Variants in CFAP70 observed in about 807,000 individuals in gnomAD.
CFAP70 encodes the protein cilia and flagella associated protein 70, also known as cilia- and flagella-associated protein 70.
CFAP70 carries 81 observed loss-of-function variants against 137.6 expected under a neutral mutation model. The ratio of observed to expected loss-of-function variants is 0.59; its 90% CI spans 0.49 to 0.71. CFAP70 has a LOEUF of 0.71. Ranked by LOEUF, CFAP70 falls within the 30% of genes least tolerant of loss-of-function variation. The probability of loss-of-function intolerance (pLI) is 0.00; values close to 1 mark genes in which losing one functional copy is unlikely to be tolerated. For missense variants in CFAP70, 976 were observed against 1,226.7 expected, an observed-to-expected ratio of 0.80 and a Z score of 3.05; for synonymous variants, 382 against 423.6, an observed-to-expected ratio of 0.90 and a Z score of 1.20.
chr10:73,261,119 GTCTA>G (rs1457428697), intron 25 of CFAP70, among the ~76,000 whole-genome samples: 2 of 149,868 alleles, frequency 1.3e-5, no homozygotes, highest in African/African-American at 4.9e-5. Flanking sequence ...ACTTGGCATT[GTCTA>G]TCTTTTTTTT....
At chr10:73,291,698 A>G (rs758858831) in exon 18 of CFAP70, 1 of 1,614,118 alleles carries the variant, frequency 6.2e-7, no homozygotes, top group Non-Finnish European at 8.5e-7. Context: ...CCTCAAAGAA[A>G]ATTTCTGCTT....
intron 1 of CFAP70, among the ~76,000 whole-genome samples, chr10:73,355,967 G>A (rs73272341): frequency 0.015 from 2,328 of 151,774 alleles, 63 homozygotes; most frequent in African/African-American, 0.053. Context: ...TCTGGTAACC[G>A]TTTTTTTTAA....
chr10:73,259,130 C>G (rs1047327038), intron 25 of CFAP70, among the ~76,000 whole-genome samples: 4 of 152,050 alleles, frequency 2.6e-5, no homozygotes, highest in Non-Finnish European at 5.9e-5. Flanking sequence ...CATCACGGAA[C>G]CTGCCGATGT....
intron 9 of CFAP70, among the ~76,000 whole-genome samples, chr10:73,313,252 G>A (rs1360140704): frequency 6.6e-6 from 1 of 151,746 alleles, no homozygotes; most frequent in Non-Finnish European, 1.5e-5. Flanking sequence ...GGTGCCTGTA[G>A]TGCCAGCTAC....
At chr10:73,348,049 AAGAAAATGCC>A in intron 4 of CFAP70, 97 bp downstream of exon 5, 1 of 972,770 alleles carries the variant, frequency 1.0e-6, no homozygotes. Context: ...GTGCTGTGAA[AAGAAAATGCC>A]CAATGCATTA....
chr10:73,282,155 G>A (rs1246816891), intron 19 of CFAP70, among the ~76,000 whole-genome samples: 5 of 152,186 alleles, frequency 3.3e-5, no homozygotes, highest in East Asian at 1.9e-4. Flanking sequence ...GCAGCCATGC[G>A]GATGGCCTGA....
Position 73,293,400 on chromosome 10 carries a change from C to T in CFAP70, c.1645-12G>A. 2 of 1,575,992 alleles carry T rather than the reference C, an allele frequency of 1.3e-6. No individual in the cohort carries two copies. Among genetic ancestry groups the T allele is most frequent in the South Asian group, 1.2e-5 (1 of 85,006 alleles). On this transcript the variant is annotated splice_polypyrimidine_tract_variant and intron_variant, in intron 15 of 26. Transcript: ENST00000310715. ...TCATCTGGCATGGTCTTGTCAATGT[C>T]AAGATGTTAGGTAGACAAAAATGAA...
intron 25 of CFAP70, among the ~76,000 whole-genome samples, chr10:73,257,137 G>A (rs1564736958): frequency 6.6e-6 from 1 of 152,058 alleles, no homozygotes; most frequent in East Asian, 1.9e-4. Flanking sequence ...TAATCCTCAA[G>A]ACCTAGGAGA....
At chr10:73,314,873 G>A (rs2132124701) in intron 9 of CFAP70, among the ~76,000 whole-genome samples, 1 of 151,700 alleles carries the variant, frequency 6.6e-6, no homozygotes, top group East Asian at 2.0e-4. Flanking sequence ...CCAAAGTGCT[G>A]GGATTACAGG....
chr10:73,279,023 G>C (rs1228651105), intron 19 of CFAP70: 1 of 150,946 alleles, frequency 6.6e-6, no homozygotes, highest in Non-Finnish European at 1.5e-5. Flanking sequence ...GCTGGCATGT[G>C]TATGTATGTT....
intron 9 of CFAP70, 99 bp from the exon 11 acceptor site, chr10:73,312,742 T>G: frequency 1.9e-6 from 2 of 1,060,436 alleles, no homozygotes; most frequent in Admixed American, 2.5e-5. Flanking sequence ...CCAAACAATT[T>G]CGACATTTAA....
chr10:73,355,594 G>A (rs1412498536), intron 1 of CFAP70, among the ~76,000 whole-genome samples: 1 of 152,064 alleles, frequency 6.6e-6, no homozygotes, highest in Admixed American at 6.5e-5. Flanking sequence ...TGTCCAATAC[G>A]GTGAAACCCC....
At chr10:73,274,622 T>C (rs367625820) in intron 22 of CFAP70, 28 bp from the exon 24 acceptor site, 41 of 1,578,434 alleles carry the variant, frequency 2.6e-5, no homozygotes, top group South Asian at 1.3e-4. Flanking sequence ...AAGTAGTATA[T>C]GGGATAAGGT....
At chr10:73,351,065 GTGTGTGTATATATATATATATATATATA>G (rs1589601002) in intron 3 of CFAP70, among the ~76,000 whole-genome samples, 1 of 55,648 alleles carries the variant, frequency 1.8e-5, no homozygotes. Flanking sequence ...GTGTGTGTGT[GTGTGTGTATATATATATATATATATATA>G]TATATATATA....
chr10:73,256,019 C>T (rs1287387235), intron 26 of CFAP70, among the ~76,000 whole-genome samples: 1 of 152,158 alleles, frequency 6.6e-6, no homozygotes, highest in Non-Finnish European at 1.5e-5. Context: ...TTGCTGATCC[C>T]TAGACTAGAC....
intron 9 of CFAP70, 127 bp from the exon 11 acceptor site, chr10:73,312,770 G>A: frequency 1.2e-6 from 1 of 812,646 alleles, no homozygotes; most frequent in Non-Finnish European, 1.9e-6. Context: ...GAGAGAGAAG[G>A]GACTTGAAAG....
chr10:73,331,035 C>G (rs1267115798), intron 8 of CFAP70, 142 bp downstream of exon 9: 14 of 565,326 alleles, frequency 2.5e-5, no homozygotes, highest in Non-Finnish European at 4.3e-5. Flanking sequence ...AAGTGACATT[C>G]AAGGCAAATC....
At position 73,312,366 on chromosome 10, in the gene CFAP70, T is replaced by A. The variant is rs1011201204; in HGVS notation, c.1083+107A>T. ...TGTATCCCAGAACTTAAAGTAAAATTAAAAAAAAATGCAAACTAACATTGA... is the reference window on the plus strand; with the variant it reads ...TGTATCCCAGAACTTAAAGTAAAATAAAAAAAAAATGCAAACTAACATTGA... On this transcript the variant is annotated intron_variant, in intron 10 of 26. Coordinates refer to ENST00000310715, the Ensembl canonical transcript of CFAP70. The A allele has an allele frequency of 7.9e-5, 66 of 833,164 alleles. No homozygotes were observed. In the Admixed American group the frequency reaches 1.3e-3, roughly 16 times the overall value. 51.6% of individuals were successfully genotyped at this position (833,164 alleles called of 1,614,324 possible).
chr10:73,266,765 C>T (rs1308293245), intron 25 of CFAP70, among the ~76,000 whole-genome samples: 2 of 152,000 alleles, frequency 1.3e-5, no homozygotes, highest in African/African-American at 4.8e-5. Flanking sequence ...TTATTTGTGT[C>T]TTTCCATTTT....
Sources: gnomAD v4.1 joint callset for allele counts (sites outside exome capture counted in the v4.1 genomes callset) on GRCh38, gnomAD v4.1.1 for gene constraint, MANE v1.5 for transcripts, NCBI Gene and HGNC (gene_info 2026-07-23, HGNC 2026-07-21) for gene names.